The following NLRP9 variants were observed in gnomAD, a reference collection of about 807,000 sequenced individuals.
The protein encoded by NLRP9 is NLR family pyrin domain containing 9.
In NLRP9, 88 loss-of-function variants were observed where a neutral mutation model predicts 83.1. That is an observed-to-expected ratio of 1.06 (90% confidence interval 0.89 to 1.26). NLRP9 has a LOEUF of 1.26. NLRP9 is among the 50% of genes most tolerant of loss of function. NLRP9 has a pLI of 0.00. For synonymous variants in NLRP9, 521 were observed against 447.6 expected (o/e 1.16, Z -2.07); for missense variants, 1,308 against 1,179.3 (o/e 1.11, Z -1.60).
chr19:55,711,150 A>C (rs532470004), intron 8 of NLRP9, among the ~76,000 whole-genome samples: 1 of 152,194 alleles, frequency 6.6e-6, no homozygotes, highest in African/African-American at 2.4e-5. Flanking sequence ...CTTTTCTTAG[A>C]GACACTAGCA....
At chr19:55,730,313 GA>G (rs1441131538) in intron 2 of NLRP9, among the ~76,000 whole-genome samples, 1 of 152,114 alleles carries the variant, frequency 6.6e-6, no homozygotes, top group Non-Finnish European at 1.5e-5. Context: ...AAATTAGACA[GA>G]TGTGGTGGCA....
At position 55,724,024 on chromosome 19, in the gene NLRP9, C is replaced by T. The variant is rs777342601; in HGVS notation, c.2115G>A (p.Leu705=). The T allele has an allele frequency of 1.9e-6, 3 of 1,614,076 alleles. No homozygotes were observed. Among genetic ancestry groups the T allele is most frequent in the South Asian group, 2.2e-5 (2 of 91,084 alleles). ...TSLSQSDIRH[L]CETLKHPMCK... ...ACATTGGATGTTTCAGCGTCTCACACAGGTGTCTGATGTCAGACTGGGAGA... is the reference window on the plus strand; with the variant it reads ...ACATTGGATGTTTCAGCGTCTCACATAGGTGTCTGATGTCAGACTGGGAGA... The change falls in exon 4 of 9, where the codon CTG becomes CTA. Residue 705 remains leucine, a synonymous_variant. Transcript: ENST00000332836.
intron 8 of NLRP9, chr19:55,709,622 T>C (rs2122270459): frequency 6.6e-6 from 1 of 152,396 alleles, no homozygotes; most frequent in Admixed American, 6.5e-5. Flanking sequence ...CTGGTTTTTG[T>C]AGTCACCAAT....
intron 4 of NLRP9, among the ~76,000 whole-genome samples, chr19:55,722,190 A>G (rs574383094): frequency 6.6e-6 from 1 of 152,266 alleles, no homozygotes; most frequent in East Asian, 1.9e-4. Flanking sequence ...TAGTTAGTTT[A>G]CCCCAAAAGG....
In NLRP9 at chr19:55,732,993, T is replaced by G; in HGVS notation, c.838A>C (p.Met280Leu). 1 of 1,614,222 alleles carries G rather than the reference T, an allele frequency of 6.2e-7. No homozygotes were observed. The highest frequency in any genetic ancestry group is 8.5e-7 in the Non-Finnish European group (1 of 1,180,032). The change falls in exon 2 of 9, where the codon ATG (methionine) becomes CTG (leucine). Residue 280 changes from methionine (M) to leucine (L), a missense_variant. Coordinates refer to ENST00000332836, the MANE Select transcript of NLRP9 (RefSeq NM_176820.4). ...SLLIALGKLA[M>L]QKHYFMLRHP... ...CGCAACATAAAATAGTGTTTTTGCA[T>G]AGCCAGTTTTCCTAATGCAATAAGG...
intron 2 of NLRP9, 141 bp downstream of exon 2, chr19:55,731,858 C>A: frequency 1.7e-6 from 1 of 582,256 alleles, no homozygotes; most frequent in Non-Finnish European, 3.0e-6. Flanking sequence ...CACAGCAGTG[C>A]CAAGGCTCGA....
intron 2 of NLRP9, among the ~76,000 whole-genome samples, chr19:55,731,678 C>T (rs1215877257): frequency 2.7e-5 from 4 of 147,474 alleles, no homozygotes; most frequent in Non-Finnish European, 3.0e-5. Flanking sequence ...AGGCCGAGAT[C>T]GCGCCACTGC....
chr19:55,713,737 C>T (rs1226924242), intron 6 of NLRP9, among the ~76,000 whole-genome samples: 82 of 2,332 alleles, frequency 0.035, 19 homozygotes, highest in Non-Finnish European at 0.077. Context: ...CCTCTTCCCC[C>T]CTCCTCCCCA....
rs1196798925 is a variant in NLRP9, at chr19:55,724,145, C to G, written c.1995-1G>C. The G allele has an allele frequency of 6.3e-7, 1 of 1,599,342 alleles. No homozygotes were observed. Among genetic ancestry groups the G allele is most frequent in the Non-Finnish European group, 8.5e-7 (1 of 1,172,370 alleles). ...ATGTCCAAAGTACACAGAAGTAAAT[C>G]TGCAAAAGATTAAAAAAAAAATAGC... On this transcript the variant is annotated splice_acceptor_variant, in intron 3 of 8. Transcript: ENST00000332836. LOFTEE classifies it high-confidence loss of function.
At chr19:55,712,654 T>A in intron 6 of NLRP9, 64 bp from the exon 7 acceptor site, 1 of 1,407,516 alleles carries the variant, frequency 7.1e-7, no homozygotes, top group Non-Finnish European at 9.9e-7. Context: ...GCCCACCTTA[T>A]TTTCATTTAT....
chr19:55,734,437 T>C (rs1284682780), intron 1 of NLRP9, among the ~76,000 whole-genome samples: 3 of 142,938 alleles, frequency 2.1e-5, no homozygotes, highest in South Asian at 2.2e-4. Context: ...GTCTATATAA[T>C]AACCTTCCCC....
chr19:55,726,090 G>A (rs1345780277), intron 3 of NLRP9, among the ~76,000 whole-genome samples: 6 of 151,542 alleles, frequency 4.0e-5, no homozygotes, highest in South Asian at 2.1e-4. Flanking sequence ...ATAAGCGGGA[G>A]GTGGTGGCAA....
rs750980002 is a variant in NLRP9, at chr19:55,708,843, G to A, written c.*69C>T. On this transcript the variant is annotated 3_prime_UTR_variant, in exon 9 of 9. Coordinates refer to ENST00000332836, the MANE Select transcript of NLRP9 (RefSeq NM_176820.4). ...CATGATGTGCAATTACAGGATAGAG[G>A]TGCCAGGTGAAGGTCCCACTGTGGC... The A allele has an allele frequency of 1.3e-5, 15 of 1,116,016 alleles. No individual in the cohort carries two copies. The highest frequency in any genetic ancestry group is 1.8e-5 in the South Asian group (1 of 56,500). The allele number at this position is 1,116,016 out of a possible 1,614,324, so 69.1% of individuals were successfully genotyped here.
At chr19:55,719,775 A>C (rs903501473) in intron 4 of NLRP9, among the ~76,000 whole-genome samples, 2 of 152,222 alleles carry the variant, frequency 1.3e-5, no homozygotes, top group Non-Finnish European at 2.9e-5. Flanking sequence ...AAGCCTGTGC[A>C]AATGTTCATC....
At position 55,717,237 on chromosome 19, in the gene NLRP9, T is replaced by A. The variant is rs1320591086; in HGVS notation, c.2160-339A>T. Reference sequence around the variant, plus strand: ...AGTAGAGATGGGGGTTTCACCATGTTGGCCAGGCTGGTCTCGAACTCCTGA... The same window carrying A: ...AGTAGAGATGGGGGTTTCACCATGTAGGCCAGGCTGGTCTCGAACTCCTGA... On this transcript the variant is annotated intron_variant, in intron 4 of 8. Coordinates refer to ENST00000332836, the MANE Select transcript of NLRP9 (RefSeq NM_176820.4). Among the ~76,000 whole-genome samples the A allele has an allele frequency of 5.8e-4, 88 of 152,124 alleles. 2 individuals carry two copies. Among genetic ancestry groups the A allele is most frequent in the Admixed American group, 5.8e-3 (88 of 15,266 alleles).
rs1298778281 is a variant in NLRP9, at chr19:55,732,470, G to A, written c.1361C>T (p.Ala454Val). The A allele has an allele frequency of 4.3e-6, 7 of 1,614,170 alleles. No homozygotes were observed. Among genetic ancestry groups the A allele is most frequent in the Non-Finnish European group, 5.9e-6 (7 of 1,180,034 alleles). Residue 454 changes from alanine (A) to valine (V), a missense_variant, in exon 2 of 9, where the codon GCC becomes GTC. Ala to Val is a moderately conservative substitution (Grantham distance 64). Transcript: ENST00000332836. ...GGGTCGTTTGAGCAAATAAAACATG[G>A]CGGCACAAAACTCTTGGATACACAG... ...MHLCIQEFCA[A>V]MFYLLKRPKD...
At chr19:55,717,039 T>C (rs571788457) in intron 4 of NLRP9, 141 bp from the exon 5 acceptor site, 428 of 600,680 alleles carry the variant, frequency 7.1e-4, no homozygotes, top group African/African-American at 4.9e-3. Flanking sequence ...TTTTCTTTTT[T>C]TTTTTTTTTT....
chr19:55,723,950 C>T (rs770545375), intron 4 of NLRP9, 30 bp downstream of exon 4: 2 of 1,575,176 alleles, frequency 1.3e-6, no homozygotes, highest in Admixed American at 1.9e-5. Context: ...TGGAAAGAAA[C>T]AGCACTCGGC....
Position 55,733,192 on chromosome 19 carries a change from G to C in NLRP9, c.639C>G (p.Ile213Met), listed in dbSNP as rs747611549. The C allele has an allele frequency of 1.2e-6, 2 of 1,613,434 alleles. No homozygotes were observed. The highest frequency in any genetic ancestry group is 2.2e-5 in the East Asian group (1 of 44,866). ...SRDWPESSEK[I>M]EDIFSQPERI... ...TCTCTGGCTGGGAAAAAATGTCTTCGATCTTCTCTGAAGACTCCGGCCAGT... is the reference window on the plus strand; with the variant it reads ...TCTCTGGCTGGGAAAAAATGTCTTCCATCTTCTCTGAAGACTCCGGCCAGT... The change falls in exon 2 of 9, where the codon ATC (isoleucine) becomes ATG (methionine). Residue 213 changes from isoleucine (I) to methionine (M), a missense_variant. Coordinates refer to ENST00000332836, the MANE Select transcript of NLRP9 (RefSeq NM_176820.4).
Sources: allele counts gnomAD v4.1 joint callset (sites outside exome capture counted in the v4.1 genomes callset), GRCh38; gene constraint gnomAD v4.1.1; transcripts MANE v1.5; gene names NCBI Gene and HGNC (gene_info 2026-07-23, HGNC 2026-07-21).